The following NCKAP5 variants were observed in gnomAD, a reference collection of about 807,000 sequenced individuals.
NCKAP5 encodes the protein nck-associated protein 5.
NCKAP5 carries 92 observed loss-of-function variants against 167.0 expected under a neutral mutation model. That is an observed-to-expected ratio of 0.55 (90% CI 0.47 to 0.66). The LOEUF (loss-of-function observed/expected upper bound fraction) is 0.66, where lower values mean the gene tolerates loss of function less well. Ranked by LOEUF, NCKAP5 falls within the 30% of genes least tolerant of loss-of-function variation. The probability of loss-of-function intolerance (pLI) is 0.00; values close to 1 mark genes in which losing one functional copy is unlikely to be tolerated. For synonymous variants in NCKAP5, 891 were observed against 877.4 expected (o/e 1.02, Z -0.27); for missense variants, 2,378 against 2,315.0 (o/e 1.03, Z -0.56).
chr2:133,389,401 T>C (rs1437324963), intron 3 of NCKAP5, among the ~76,000 whole-genome samples: 1 of 152,164 alleles, frequency 6.6e-6, no homozygotes, highest in East Asian at 1.9e-4. Context: ...ACCTCATAAT[T>C]TGAGGCAGAG....
At chr2:132,719,783 G>A (rs1689733564) in intron 19 of NCKAP5, among the ~76,000 whole-genome samples, 1 of 152,208 alleles carries the variant, frequency 6.6e-6, no homozygotes, top group Admixed American at 6.5e-5. Context: ...CGATGAGAGC[G>A]GGAGAGTCCA....
intron 16 of NCKAP5, among the ~76,000 whole-genome samples, chr2:132,738,986 G>A (rs986474888): frequency 1.3e-5 from 2 of 152,116 alleles, no homozygotes; most frequent in African/African-American, 4.8e-5. Flanking sequence ...AGATTTGGAG[G>A]TGACAAATAT....
At chr2:133,570,754 C>T (rs922422195), upstream of NCKAP5, among the ~76,000 whole-genome samples, 2 of 152,156 alleles carry the variant, frequency 1.3e-5, no homozygotes, top group South Asian at 4.1e-4. Flanking sequence ...AGTCAGAAAG[C>T]TTGTAGGGGC....
chr2:133,349,803 T>A (rs1016021234), intron 3 of NCKAP5, among the ~76,000 whole-genome samples: 1 of 152,182 alleles, frequency 6.6e-6, no homozygotes, highest in African/African-American at 2.4e-5. Context: ...CATACTATTG[T>A]ACCCTCAACT....
chr2:132,985,083 G>C (rs577854054), intron 7 of NCKAP5, among the ~76,000 whole-genome samples: 194 of 151,926 alleles, frequency 1.3e-3, no homozygotes, highest in Non-Finnish European at 2.0e-3. Flanking sequence ...GCAATAACCA[G>C]CTCACCTGTA....
chr2:133,207,919 C>A (rs185995902), intron 5 of NCKAP5, among the ~76,000 whole-genome samples: 19 of 152,272 alleles, frequency 1.2e-4, no homozygotes, highest in Admixed American at 1.2e-3. Context: ...TAAGTATGCG[C>A]TACACATAGT....
intron 3 of NCKAP5, among the ~76,000 whole-genome samples, chr2:133,466,481 T>C (rs1206842186): frequency 3.4e-4 from 51 of 148,590 alleles, no homozygotes; most frequent in African/African-American, 1.2e-3. Context: ...TAGGATTGAC[T>C]TGGCGATGCG....
intron 5 of NCKAP5, among the ~76,000 whole-genome samples, chr2:133,151,143 C>A (rs1215756924): frequency 6.6e-6 from 1 of 152,008 alleles, no homozygotes; most frequent in Non-Finnish European, 1.5e-5. Flanking sequence ...GTGAGTTAAC[C>A]AATATGTACG....
chr2:132,963,746 G>C lies in NCKAP5; in HGVS notation c.553C>G (p.Leu185Val). 1 of 1,613,814 alleles carries C rather than the reference G, an allele frequency of 6.2e-7. No homozygotes were observed. Among genetic ancestry groups the C allele is most frequent in the Non-Finnish European group, 8.5e-7 (1 of 1,179,848 alleles). ...TDEGKEKTKL[L>V]LERLKALEAE... is the part of the protein sequence containing the mutation. ...TCTAGAGCTTTCAATCTCTCTAATA[G>C]CAATTTGGTCTTTTCTTTTCCCTCA... The change falls in exon 8 of 20, where the codon CTA becomes GTA. Residue 185 changes from leucine to valine, a missense_variant. This residue lies in a region of NCKAP5 where 1,049 missense variants were observed against 1,023.4 expected (regional missense o/e 1.02). Transcript: ENST00000409261.
intron 8 of NCKAP5, among the ~76,000 whole-genome samples, chr2:132,891,059 G>T (rs1692659959): frequency 6.6e-6 from 1 of 152,198 alleles, no homozygotes; most frequent in Non-Finnish European, 1.5e-5. Context: ...AAGTTGAGGA[G>T]CTACGCCGTG....
At chr2:133,067,499 C>T (rs2080238645) in intron 6 of NCKAP5, among the ~76,000 whole-genome samples, 1 of 152,208 alleles carries the variant, frequency 6.6e-6, no homozygotes, top group Non-Finnish European at 1.5e-5. Context: ...GCACAACACA[C>T]AGTGTGGCTG....
At chr2:133,430,659 C>G (rs1217467266) in intron 3 of NCKAP5, among the ~76,000 whole-genome samples, 3 of 152,002 alleles carry the variant, frequency 2.0e-5, no homozygotes, top group Non-Finnish European at 2.9e-5. Context: ...TTATTGTTGA[C>G]TGTTGAAGAT....
intron 11 of NCKAP5, among the ~76,000 whole-genome samples, chr2:132,851,994 G>A (rs1689117407): frequency 6.6e-6 from 1 of 152,202 alleles, no homozygotes; most frequent in Admixed American, 6.5e-5. Flanking sequence ...GCAATGGACA[G>A]TCCATGATTT....
intron 2 of NCKAP5, among the ~76,000 whole-genome samples, chr2:133,535,813 A>G (rs533517593): frequency 6.6e-6 from 1 of 152,128 alleles, no homozygotes; most frequent in East Asian, 1.9e-4. Context: ...TTGATTTTAA[A>G]CTTTTTAGTA....
intron 6 of NCKAP5, among the ~76,000 whole-genome samples, chr2:133,078,929 T>G (rs1171125684): frequency 1.3e-5 from 2 of 152,066 alleles, no homozygotes; most frequent in African/African-American, 4.8e-5. Flanking sequence ...ATATTTTATA[T>G]GAGATGAAAG....
intron 8 of NCKAP5, among the ~76,000 whole-genome samples, chr2:132,919,802 G>A (rs1430048267): frequency 2.6e-5 from 4 of 152,014 alleles, no homozygotes; most frequent in African/African-American, 9.7e-5. Context: ...GGAAATTTAG[G>A]GCTTATATGA....
chr2:133,593,707 C>A, the NCKAP5 span, among the ~76,000 whole-genome samples: 1 of 152,036 alleles, frequency 6.6e-6, no homozygotes, highest in Non-Finnish European at 1.5e-5. Context: ...CTATGTATGA[C>A]GGTTTGATAC....
intron 8 of NCKAP5, among the ~76,000 whole-genome samples, chr2:132,959,442 G>C (rs2076442700): frequency 6.6e-6 from 1 of 152,080 alleles, no homozygotes; most frequent in Admixed American, 6.6e-5. Flanking sequence ...TCTCCCCCTG[G>C]CTAGAAGCTG....
intron 8 of NCKAP5, among the ~76,000 whole-genome samples, chr2:132,946,455 AT>A (rs1697737484): frequency 6.6e-6 from 1 of 152,148 alleles, no homozygotes; most frequent in African/African-American, 2.4e-5. Context: ...TCAAAAAACT[AT>A]TTATCTTTCT....
Sources: gnomAD v4.1 joint callset for allele counts (sites outside exome capture counted in the v4.1 genomes callset) on GRCh38, gnomAD v4.1.1 for gene constraint, gnomAD v4.1.1 regional missense constraint, MANE v1.5 for transcripts, NCBI Gene and HGNC (gene_info 2026-07-23, HGNC 2026-07-21) for gene names.